The following PRKN variants were observed in gnomAD, a reference collection of about 807,000 sequenced individuals.
The protein encoded by PRKN is parkin RBR E3 ubiquitin protein ligase, also known as E3 ubiquitin-protein ligase parkin.
Under a neutral mutation model 59.5 loss-of-function variants are expected in PRKN, and 56 were observed. That is an observed-to-expected ratio of 0.94 (90% CI 0.76 to 1.18). The LOEUF is 1.18. Among genes scored for constraint, PRKN ranks in the 50% most tolerant of loss-of-function variants. The pLI is 0.00. For missense variants in PRKN, 657 were observed against 596.4 expected (o/e 1.10, Z -1.06); for synonymous variants, 250 against 222.1 (o/e 1.13, Z -1.12).
intron 7 of PRKN, among the ~76,000 whole-genome samples, chr6:161,654,897 C>G (rs1784282261): frequency 6.6e-6 from 1 of 152,194 alleles, no homozygotes; most frequent in Admixed American, 6.5e-5. Flanking sequence ...TGCAGCCTTG[C>G]CCAGATCCTG....
intron 2 of PRKN, among the ~76,000 whole-genome samples, chr6:162,384,659 AAAAC>A (rs1786695691): frequency 7.0e-6 from 1 of 143,484 alleles, no homozygotes; most frequent in African/African-American, 2.6e-5. Flanking sequence ...AAAAAAAAAA[AAAAC>A]AAAAAAAAAA....
chr6:162,624,011 G>A (rs1406338009), intron 1 of PRKN, among the ~76,000 whole-genome samples: 2 of 152,122 alleles, frequency 1.3e-5, no homozygotes, highest in Non-Finnish European at 2.9e-5. Context: ...CACTTTGGGA[G>A]GCCGAGGTGG....
In PRKN at chr6:161,874,121, ATATAATATATAT is replaced by A. The variant is rs1314128090; in HGVS notation, c.735-88225_735-88214del. Among the ~76,000 whole-genome samples, 30 of 64,178 alleles carry A rather than the reference ATATAATATATAT, an allele frequency of 4.7e-4. 6 individuals are homozygous for A. Among genetic ancestry groups the A allele is most frequent in the African/African-American group, 1.9e-3 (30 of 16,058 alleles). The allele number at this position is 64,178 out of a possible 152,430, so 42.1% of individuals were successfully genotyped here. On this transcript the variant is annotated intron_variant, in intron 6 of 11. Transcript: ENST00000366898. Reference sequence around the variant, plus strand: ...ATATATATTATATGTAAAATATAATATATAATATATATTATATGTAAAATATAATATATATTA... The same window carrying A: ...ATATATATTATATGTAAAATATAATATATATGTAAAATATAATATATATTA...
At chr6:161,878,659 G>A (rs549609752) in intron 6 of PRKN, among the ~76,000 whole-genome samples, 1 of 152,050 alleles carries the variant, frequency 6.6e-6, no homozygotes, top group African/African-American at 2.4e-5. Context: ...CCAAGCCCAG[G>A]GTCCTTTTAG....
chr6:161,812,504 C>A (rs373626908), intron 6 of PRKN, among the ~76,000 whole-genome samples: 19 of 152,036 alleles, frequency 1.2e-4, no homozygotes, highest in African/African-American at 4.1e-4. Context: ...TGAGAGTATA[C>A]ATAAAAAAAC....
chr6:161,442,015 C>T lies in PRKN; in HGVS notation c.1084-55138G>A, dbSNP rs978446256. Among the ~76,000 whole-genome samples, 25 of 152,324 alleles carry T rather than the reference C, an allele frequency of 1.6e-4. No individual in the cohort carries two copies. The highest frequency in any genetic ancestry group is 6.0e-4 in the African/African-American group (25 of 41,582). On this transcript the variant is annotated intron_variant, in intron 9 of 11. Coordinates refer to ENST00000366898, the MANE Select transcript of PRKN (RefSeq NM_004562.3). The surrounding 1 kb of genome is among the most constrained non-coding windows in gnomAD (Gnocchi z 4.6). ...ATCGCCAATGAGTTTCTGGTTTTCACTTCAGAAGTTATAGAGACGATGTAA... is the reference window on the plus strand; with the variant it reads ...ATCGCCAATGAGTTTCTGGTTTTCATTTCAGAAGTTATAGAGACGATGTAA...
chr6:161,854,146 C>A (rs1793550544), intron 6 of PRKN, among the ~76,000 whole-genome samples: 1 of 150,826 alleles, frequency 6.6e-6, no homozygotes, highest in Non-Finnish European at 1.5e-5. Context: ...TCCCAGCTAC[C>A]CAGGAAGCCA....
At chr6:162,322,266 A>G (rs1367007884) in intron 2 of PRKN, among the ~76,000 whole-genome samples, 1 of 152,112 alleles carries the variant, frequency 6.6e-6, no homozygotes, top group Non-Finnish European at 1.5e-5. Flanking sequence ...TGTACACTGA[A>G]AAGTATAAAA....
intron 2 of PRKN, among the ~76,000 whole-genome samples, chr6:162,379,593 A>T (rs78650785): frequency 0.013 from 2,021 of 151,708 alleles, 25 homozygotes; most frequent in Admixed American, 0.032. Context: ...CCCATCCGAC[A>T]CCTCCCAAAC....
rs1045493883 is a variant in PRKN at position 161,703,949 on chromosome 6, A to G, written c.871+81823T>C. 1.1e-4 allele frequency among the ~76,000 whole-genome samples: 15 copies of G among 142,156 alleles called. No homozygotes were observed. The East Asian group carries it at 2.8e-3, about 26-fold the overall frequency. The allele number at this position is 142,156 out of a possible 152,430, so 93.3% of individuals were successfully genotyped here. A position where few individuals can be genotyped will look rare whatever the true frequency, so the allele number is the denominator to read the frequency against. On this transcript the variant is annotated intron_variant, in intron 7 of 11. Coordinates refer to ENST00000366898, the MANE Select transcript of PRKN (RefSeq NM_004562.3). ...CAGCTCACTGCAACCTCCACCTTCC[A>G]GGTTCAAGTGAATCTGCTGCCTCAG... is the stretch of plus-strand genomic sequence containing the variant.
intron 6 of PRKN, among the ~76,000 whole-genome samples, chr6:161,865,814 A>T (rs1184687909): frequency 2.6e-5 from 4 of 152,188 alleles, no homozygotes; most frequent in African/African-American, 7.2e-5. Flanking sequence ...CTTTCTTAAC[A>T]TTCACGTGTT....
At position 161,407,569 on chromosome 6, in the gene PRKN, AG is replaced by A. The variant is rs1319707543; in HGVS notation, c.1084-20693del. Among the ~76,000 whole-genome samples, 2 of 152,220 alleles carry A rather than the reference AG, an allele frequency of 1.3e-5. No individual in the cohort carries two copies. The highest frequency in any genetic ancestry group is 4.8e-5 in the African/African-American group (2 of 41,446). ...TTCAGAAATGTTAAAATACACAAAA[AG>A]GTACTTCTTAGAGTTGAGGATAAGT... On this transcript the variant is annotated intron_variant, in intron 9 of 11. Coordinates refer to ENST00000366898, the MANE Select transcript of PRKN (RefSeq NM_004562.3). The surrounding 1 kb of genome is among the most constrained non-coding windows in gnomAD (Gnocchi z 4.9).
intron 9 of PRKN, among the ~76,000 whole-genome samples, chr6:161,411,861 A>C: frequency 1.7e-5 from 2 of 117,970 alleles, no homozygotes; most frequent in Non-Finnish European, 3.4e-5. Context: ...TTCCTTCCTC[A>C]CCCATTCCTT....
intron 7 of PRKN, among the ~76,000 whole-genome samples, chr6:161,597,362 A>G (rs1341777241): frequency 2.0e-5 from 3 of 152,170 alleles, no homozygotes; most frequent in Non-Finnish European, 4.4e-5. Context: ...CATATTTCAC[A>G]TTTCTGCATA....
At chr6:161,616,820 T>C (rs138364815) in intron 7 of PRKN, among the ~76,000 whole-genome samples, 143 of 152,304 alleles carry the variant, frequency 9.4e-4, no homozygotes, top group African/African-American at 3.2e-3. Context: ...TGATGGGCAT[T>C]TGGGTTGGTT....
chr6:161,958,386 C>T (rs1184305925), intron 6 of PRKN, among the ~76,000 whole-genome samples: 1 of 152,046 alleles, frequency 6.6e-6, no homozygotes, highest in Non-Finnish European at 1.5e-5. Flanking sequence ...CTTTAAGATA[C>T]ATTTTGACTA....
At chr6:161,789,786 C>T (rs1383294328) in intron 6 of PRKN, among the ~76,000 whole-genome samples, 1 of 152,184 alleles carries the variant, frequency 6.6e-6, no homozygotes, top group Non-Finnish European at 1.5e-5. Flanking sequence ...TCATCAAATA[C>T]AATGCTGAGC....
At chr6:162,369,725 CCAA>C (rs1336589677) in intron 2 of PRKN, among the ~76,000 whole-genome samples, 2 of 152,248 alleles carry the variant, frequency 1.3e-5, no homozygotes, top group East Asian at 3.9e-4. Flanking sequence ...CGGATAGGAA[CCAA>C]CAACAGGGTA....
chr6:161,435,770 TC>T (rs1007655933), intron 9 of PRKN, among the ~76,000 whole-genome samples: 5 of 148,886 alleles, frequency 3.4e-5, no homozygotes, highest in African/African-American at 1.2e-4. Context: ...TGTATTTATT[TC>T]TGGATTTTTT....
Sources: gnomAD v4.1 joint callset for allele counts (sites outside exome capture counted in the v4.1 genomes callset) on GRCh38, gnomAD v4.1.1 for gene constraint, Gnocchi (gnomAD v3.1) non-coding constraint, MANE v1.5 for transcripts, NCBI Gene and HGNC (gene_info 2026-07-23, HGNC 2026-07-21) for gene names.